Variants in ELMO1 observed in about 807,000 individuals in gnomAD.
ELMO1 encodes the protein engulfment and cell motility 1.
A neutral mutation model predicts 98.9 loss-of-function variants in ELMO1; 26 were observed. The observed-to-expected ratio is 0.26, with a 90% CI of 0.19 to 0.36. The LOEUF is 0.36. Ranked by LOEUF, ELMO1 falls within the 10% of genes least tolerant of loss-of-function variation. The pLI is 1.00. For missense variants in ELMO1, 627 were observed against 935.2 expected (o/e 0.67, Z 4.30); for synonymous variants, 346 against 346.0 (o/e 1.00, Z 0.00).
intron 18 of ELMO1, among the ~76,000 whole-genome samples, chr7:36,882,293 G>C (rs959282760): frequency 7.9e-5 from 12 of 152,208 alleles, no homozygotes; most frequent in Non-Finnish European, 1.8e-4. Context: ...TCTTCTGTGT[G>C]TTCAGAACAA....
intron 16 of ELMO1, among the ~76,000 whole-genome samples, chr7:36,923,373 A>G (rs563972746): frequency 2.0e-5 from 3 of 152,334 alleles, no homozygotes; most frequent in South Asian, 4.1e-4. Flanking sequence ...AAAGGTCAAG[A>G]GGAAATTCAA....
At chr7:37,195,784 A>G (rs1447108690) in intron 13 of ELMO1, among the ~76,000 whole-genome samples, 1 of 152,166 alleles carries the variant, frequency 6.6e-6, no homozygotes, top group Non-Finnish European at 1.5e-5. Context: ...CCTGGTCTCC[A>G]TTTTCCAGCC....
chr7:37,389,968 T>C (rs1802996655), intron 1 of ELMO1, among the ~76,000 whole-genome samples: 1 of 152,108 alleles, frequency 6.6e-6, no homozygotes, highest in South Asian at 2.1e-4. Flanking sequence ...TAGCCTTCCC[T>C]ATCCCACCTC....
chr7:37,312,738 G>A (rs1188883210), intron 4 of ELMO1, among the ~76,000 whole-genome samples: 1 of 152,068 alleles, frequency 6.6e-6, no homozygotes, highest in African/African-American at 2.4e-5. Context: ...ACACCACCAG[G>A]GGCCATCTAC....
intron 5 of ELMO1, among the ~76,000 whole-genome samples, chr7:37,269,019 C>T (rs1240633972): frequency 6.6e-6 from 1 of 152,226 alleles, no homozygotes; most frequent in Non-Finnish European, 1.5e-5. Flanking sequence ...CTGAGGCAGA[C>T]GAAGGAACTT....
At chr7:37,213,670 T>C (rs968867626) in intron 11 of ELMO1, among the ~76,000 whole-genome samples, 1 of 152,016 alleles carries the variant, frequency 6.6e-6, no homozygotes, top group Admixed American at 6.6e-5. Flanking sequence ...AAAAACCTAC[T>C]GTGGGCAGGA....
intron 13 of ELMO1, among the ~76,000 whole-genome samples, chr7:37,161,905 A>AATATATATATATATACATATATATAT (rs1789230202): frequency 2.4e-5 from 1 of 42,378 alleles, no homozygotes; most frequent in African/African-American, 7.2e-5. Context: ...CAGGTAATCA[A>AATATATATATATATACATATATATAT]ATATATATAT....
chr7:37,429,032 G>C (rs1259771327), intron 1 of ELMO1, among the ~76,000 whole-genome samples: 1 of 124,348 alleles, frequency 8.0e-6, no homozygotes, highest in East Asian at 2.2e-4. Context: ...TGTTGTTGTT[G>C]TTGTTGTTGT....
chr7:36,938,169 A>G (rs1786713545), intron 16 of ELMO1, among the ~76,000 whole-genome samples: 1 of 152,220 alleles, frequency 6.6e-6, no homozygotes, highest in Non-Finnish European at 1.5e-5. Flanking sequence ...CTGAGATGTG[A>G]GATTTAGGGA....
intron 1 of ELMO1, among the ~76,000 whole-genome samples, chr7:37,374,318 T>A (rs1484684993): frequency 6.6e-6 from 1 of 152,150 alleles, no homozygotes; most frequent in Non-Finnish European, 1.5e-5. Flanking sequence ...TGTCTAACTA[T>A]ATTAGCATCC....
chr7:37,369,691 A>G (rs1193334320), intron 1 of ELMO1, among the ~76,000 whole-genome samples: 1 of 151,356 alleles, frequency 6.6e-6, no homozygotes, highest in Non-Finnish European at 1.5e-5. Flanking sequence ...AAAAAAAGAG[A>G]CTGACCAATC....
intron 16 of ELMO1, among the ~76,000 whole-genome samples, chr7:36,899,684 C>CTTTTTTTTTTTTTT (rs10522661): frequency 0.021 from 1,359 of 63,612 alleles, 278 homozygotes; most frequent in African/African-American, 0.062. Flanking sequence ...CTTTACTCAT[C>CTTTTTTTTTTTTTT]TTTTTTTTTT....
chr7:37,246,341 G>A (rs1360328120), intron 6 of ELMO1, among the ~76,000 whole-genome samples: 1 of 152,176 alleles, frequency 6.6e-6, no homozygotes, highest in Non-Finnish European at 1.5e-5. Context: ...TTGGGGTAAT[G>A]AGGCTTTACA....
chr7:36,937,745 A>G (rs1282715652), intron 16 of ELMO1, among the ~76,000 whole-genome samples: 2 of 152,228 alleles, frequency 1.3e-5, no homozygotes, highest in Non-Finnish European at 2.9e-5. Context: ...AAGCACCACA[A>G]TACCCGTTGT....
At chr7:36,993,891 C>A (rs1486166251) in intron 16 of ELMO1, among the ~76,000 whole-genome samples, 1 of 152,186 alleles carries the variant, frequency 6.6e-6, no homozygotes, top group Non-Finnish European at 1.5e-5. Context: ...AACGACGAAG[C>A]AAATCTTTGA....
At chr7:37,334,481 T>G (rs1800293537) in intron 2 of ELMO1, among the ~76,000 whole-genome samples, 1 of 152,144 alleles carries the variant, frequency 6.6e-6, no homozygotes, top group Admixed American at 6.5e-5. Flanking sequence ...CTGCCTGGGT[T>G]TTGGTGTTAT....
rs189801074 is a variant in ELMO1 at position 37,173,660 on chromosome 7, A to G, written c.1086+37726T>C. 4.1e-4 allele frequency among the ~76,000 whole-genome samples: 62 copies of G among 152,394 alleles called. 1 individual carries two copies. The East Asian group carries it at 6.7e-3, about 17-fold the overall frequency. On this transcript the variant is annotated intron_variant, in intron 13 of 21. Transcript: ENST00000310758. ...CCATGGCAGCGTCTTGAGGAGATGT[A>G]ACTCAAAACAGAAACCCAAGGTGAA...
At chr7:37,061,267 G>A (rs375038847) in intron 15 of ELMO1, among the ~76,000 whole-genome samples, 9 of 152,266 alleles carry the variant, frequency 5.9e-5, no homozygotes, top group African/African-American at 1.9e-4. Context: ...CAGTTGGTCT[G>A]TCACCTACTG....
chr7:37,403,956 C>G (rs1028887965), intron 1 of ELMO1, among the ~76,000 whole-genome samples: 2 of 152,036 alleles, frequency 1.3e-5, no homozygotes, highest in African/African-American at 4.8e-5. Flanking sequence ...AACAAATGTA[C>G]CACACTAATG....
Sources: allele counts gnomAD v4.1 joint callset (sites outside exome capture counted in the v4.1 genomes callset), GRCh38; gene constraint gnomAD v4.1.1; transcripts MANE v1.5; gene names NCBI Gene and HGNC (gene_info 2026-07-23, HGNC 2026-07-21).